Variants in AXIN1 observed in about 807,000 individuals in gnomAD.
AXIN1 encodes axin-1.
In AXIN1, 30 loss-of-function variants were observed where a neutral mutation model predicts 76.4. That is an observed-to-expected ratio of 0.39 (90% CI 0.29 to 0.53). The LOEUF is 0.53. Among genes scored for constraint, AXIN1 ranks in the 20% least tolerant of loss-of-function variants. The pLI, the probability that AXIN1 is intolerant of heterozygous loss-of-function variation, is 0.66. For missense variants in AXIN1, 1,140 were observed against 1,198.8 expected, an observed-to-expected ratio of 0.95 and a Z score of 0.72; for synonymous variants, 545 against 501.4, an observed-to-expected ratio of 1.09 and a Z score of -1.16.
chr16:303,384 A>ATT (rs111734984), intron 5 of AXIN1, among the ~76,000 whole-genome samples: 1 of 143,034 alleles, frequency 7.0e-6, no homozygotes. Context: ...GCGGGAAGTG[A>ATT]TTTTTTTTTT....
rs1262142525 is a variant in AXIN1, at chr16:289,374, C to CT, written c.2462+65dup. On this transcript the variant is annotated intron_variant, in intron 10 of 10. Coordinates refer to ENST00000262320, the MANE Select transcript of AXIN1 (RefSeq NM_003502.4). The stretch of plus-strand genomic sequence containing the variant: ...GCCACTGTGCCCGGCTGGAAACCCT[C>CT]TTTTTCATACCGTTGGGCACCCACA... The CT allele has an allele frequency of 3.1e-6, 5 of 1,599,544 alleles. No individual in the cohort carries two copies. In the Admixed American group the frequency reaches 8.4e-5, roughly 27 times the overall value.
At chr16:326,457 T>A (rs1285527125) in intron 2 of AXIN1, among the ~76,000 whole-genome samples, 2 of 145,760 alleles carry the variant, frequency 1.4e-5, no homozygotes, top group Non-Finnish European at 3.0e-5. Context: ...TACTAAAAAA[T>A]GTGATTGAGA....
chr16:333,194 T>TG (rs1240264771), intron 2 of AXIN1, among the ~76,000 whole-genome samples: 2 of 151,926 alleles, frequency 1.3e-5, no homozygotes, highest in Non-Finnish European at 2.9e-5. Context: ...TAGCTGGGTG[T>TG]GGTGGCGCAT....
At chr16:323,561 C>T (rs2053511532) in intron 2 of AXIN1, among the ~76,000 whole-genome samples, 1 of 151,812 alleles carries the variant, frequency 6.6e-6, no homozygotes, top group African/African-American at 2.4e-5. Context: ...GCGGGTGGAT[C>T]ACAAGGTCAA....
intron 2 of AXIN1, among the ~76,000 whole-genome samples, chr16:331,202 C>T (rs1189301561): frequency 2.6e-5 from 4 of 152,122 alleles, no homozygotes; most frequent in Non-Finnish European, 5.9e-5. Context: ...AATTAAAACA[C>T]TGGACACTTA....
intron 2 of AXIN1, among the ~76,000 whole-genome samples, chr16:325,943 C>CA (rs1173069296): frequency 6.6e-6 from 1 of 152,124 alleles, no homozygotes; most frequent in African/African-American, 2.4e-5. Flanking sequence ...CCCACTCACT[C>CA]ACGCTGGCCA....
intron 4 of AXIN1, among the ~76,000 whole-genome samples, chr16:308,729 C>G (rs1035700675): frequency 6.6e-6 from 1 of 152,198 alleles, no homozygotes; most frequent in Non-Finnish European, 1.5e-5. Flanking sequence ...AGATCTTCCA[C>G]AGCACAAGCA....
chr16:304,266 C>A, intron 5 of AXIN1, 38 bp downstream of exon 5: 1 of 1,601,368 alleles, frequency 6.2e-7, no homozygotes, highest in Non-Finnish European at 8.5e-7. Context: ...AACAGCACGA[C>A]ACCGACGCGG....
At chr16:330,478 TA>T (rs2053672382) in intron 2 of AXIN1, among the ~76,000 whole-genome samples, 1 of 152,222 alleles carries the variant, frequency 6.6e-6, no homozygotes. Context: ...AAGAACTCAC[TA>T]ATGAGACTCA....
Position 291,245 on chromosome 16 carries a change from C to T in AXIN1, c.2239G>A (p.Ala747Thr), listed in dbSNP as rs1189783498. The change falls in exon 9 of 11, where the codon GCG (alanine) becomes ACG (threonine). Residue 747 changes from alanine to threonine, a missense_variant. Transcript: ENST00000262320. Reference protein sequence around the residue: ...RGRACVRPACAPVLHVVPAVS... With the variant: ...RGRACVRPACTPVLHVVPAVS... ...GCTGGTACCACGTGCAGCACCGGCG[C>T]GCACGCTGGCCTGACGCAGGCGCGT... 4.4e-6 allele frequency: 7 copies of T among 1,587,072 alleles called. No homozygotes were observed. Among genetic ancestry groups the T allele is most frequent in the South Asian group, 1.1e-5 (1 of 87,828 alleles).
intron 2 of AXIN1, among the ~76,000 whole-genome samples, chr16:329,232 G>A (rs1049806939): frequency 6.4e-5 from 9 of 139,720 alleles, no homozygotes; most frequent in African/African-American, 8.2e-5. Flanking sequence ...AGCTGACATC[G>A]CGCCACTGCA....
chr16:290,930 G>C (rs2052539547), intron 9 of AXIN1: 1 of 554,766 alleles, frequency 1.8e-6, no homozygotes, highest in Admixed American at 3.0e-5. Context: ...TGGATGCAGG[G>C]GCTGGCTGTG....
At chr16:338,397 G>A (rs941180368) in intron 2 of AXIN1, among the ~76,000 whole-genome samples, 2 of 152,348 alleles carry the variant, frequency 1.3e-5, no homozygotes, top group South Asian at 2.1e-4. Flanking sequence ...TCATCGGCAC[G>A]TCTGCCACTG....
At chr16:291,477 G>A (rs1047701515) in intron 8 of AXIN1, 180 bp from the exon 9 acceptor site, 29 of 648,454 alleles carry the variant, frequency 4.5e-5, no homozygotes, top group African/African-American at 3.2e-4. Context: ...GGCCTGCCTT[G>A]GTGGTACCCG....
At position 305,384 on chromosome 16, in the gene AXIN1, C is replaced by T. The variant is rs185225363; in HGVS notation, c.1117-943G>A. 2.3e-3 allele frequency among the ~76,000 whole-genome samples: 355 copies of T among 152,160 alleles called. 4 individuals are homozygous for T. Among genetic ancestry groups the T allele is most frequent in the African/African-American group, 7.4e-3 (307 of 41,524 alleles). ...ACTTGGGAGGCTGAGGTGGGAGGAT[C>T]GGATCGCATAAGTCCTGGGAGATCA... On this transcript the variant is annotated intron_variant, in intron 4 of 10. Transcript: ENST00000262320.
At position 297,069 on chromosome 16, in the gene AXIN1, T is replaced by C. The variant is rs1380046444; in HGVS notation, c.1942A>G (p.Arg648Gly). 1.2e-6 allele frequency: 2 copies of C among 1,611,546 alleles called. No individual in the cohort carries two copies. The highest frequency in any genetic ancestry group is 1.3e-5 in the African/African-American group (1 of 74,914). Residue 648 changes from arginine (R) to glycine (G), a missense_variant, in exon 7 of 11, where the codon AGG (arginine) becomes GGG (glycine). Transcript: ENST00000262320. Reference protein sequence around the residue: ...EGEKEISRHRRTGHGSSGTRK... With the variant: ...EGEKEISRHRGTGHGSSGTRK... ...CGGGGTGCTCACCCGTGGCCGGTCC[T>C]GCGGTGCCTGCTGATCTCCTTTTCC...
At chr16:326,474 C>T (rs1408496673) in intron 2 of AXIN1, among the ~76,000 whole-genome samples, 2 of 150,650 alleles carry the variant, frequency 1.3e-5, no homozygotes, top group African/African-American at 2.4e-5. Flanking sequence ...GAGAGCCGGA[C>T]ACGGTGGTTC....
In AXIN1 at chr16:291,291, C is replaced by A; in HGVS notation, c.2193G>T (p.Val731=). The A allele has an allele frequency of 6.3e-7, 1 of 1,577,504 alleles. No individual in the cohort carries two copies. The highest frequency in any genetic ancestry group is 8.6e-7 in the Non-Finnish European group (1 of 1,162,464). ...ASRAPSKQRY[V]QEVMRRGRAC... ...CGCGTCCCCGCCGCATAACCTCCTG[C>A]ACATACCTAGGGAACAACCCGCGTC... is the stretch of plus-strand genomic sequence containing the variant. The change falls in exon 9 of 11, where the codon GTG becomes GTT. Residue 731 remains valine, a synonymous_variant. Transcript: ENST00000262320.
chr16:347,138 G>A, intron 1 of AXIN1, 32 bp from the exon 2 acceptor site: 2 of 1,585,154 alleles, frequency 1.3e-6, no homozygotes, highest in Non-Finnish European at 1.7e-6. Flanking sequence ...CAAGGATTAG[G>A]AAAGGTGGGT....
Sources: allele counts gnomAD v4.1 joint callset (sites outside exome capture counted in the v4.1 genomes callset), GRCh38; gene constraint gnomAD v4.1.1; transcripts MANE v1.5; gene names NCBI Gene and HGNC (gene_info 2026-07-23, HGNC 2026-07-21).